The following MOK variants were observed in gnomAD, a reference collection of about 807,000 sequenced individuals.
The protein encoded by MOK is MAPK/MAK/MRK overlapping kinase.
A neutral mutation model predicts 54.2 loss-of-function variants in MOK; 59 were observed. The ratio of observed to expected loss-of-function variants is 1.09; its 90% CI spans 0.88 to 1.35. The LOEUF is 1.35. Among genes scored for constraint, MOK ranks in the 40% most tolerant of loss-of-function variants. The pLI, the probability that MOK is intolerant of heterozygous loss-of-function variation, is 0.00. For synonymous variants in MOK, 210 were observed against 202.7 expected, an observed-to-expected ratio of 1.04 and a Z score of -0.31; for missense variants, 517 against 526.2, an observed-to-expected ratio of 0.98 and a Z score of 0.17.
chr14:102,257,730 G>A (rs1304232442), intron 4 of MOK, among the ~76,000 whole-genome samples: 3 of 152,198 alleles, frequency 2.0e-5, no homozygotes, highest in Non-Finnish European at 4.4e-5. Context: ...TGTAATCCCA[G>A]CACTTTGGGA....
the MOK span, among the ~76,000 whole-genome samples, chr14:102,217,608 C>CAGAGA: frequency 2.2e-4 from 34 of 152,230 alleles, 1 homozygote; most frequent in Admixed American, 1.8e-3. Flanking sequence ...CGTCCCTGGG[C>CAGAGA]TGGGCCCAGG....
chr14:102,282,308 G>A (rs1016506456), intron 2 of MOK, among the ~76,000 whole-genome samples: 1 of 152,070 alleles, frequency 6.6e-6, no homozygotes, highest in African/African-American at 2.4e-5. Context: ...TGAGCGTGAT[G>A]GCTCAGGTTG....
chr14:102,273,774 C>G (rs1025454338), intron 2 of MOK, among the ~76,000 whole-genome samples: 8 of 152,094 alleles, frequency 5.3e-5, no homozygotes, highest in Middle Eastern at 3.4e-3. Flanking sequence ...GCAACAAGAG[C>G]AAAACTCCGT....
intron 10 of MOK, 137 bp from the exon 11 acceptor site, chr14:102,229,794 AC>A: frequency 1.3e-6 from 1 of 799,476 alleles, no homozygotes; most frequent in Non-Finnish European, 1.9e-6. Flanking sequence ...GGACACATCC[AC>A]CAGGTCCCAG....
chr14:102,243,528 A>G (rs1239770645), intron 7 of MOK, among the ~76,000 whole-genome samples: 2 of 152,060 alleles, frequency 1.3e-5, no homozygotes, highest in African/African-American at 2.4e-5. Flanking sequence ...ATCACAAACT[A>G]TGCTCAACTC....
intron 2 of MOK, among the ~76,000 whole-genome samples, chr14:102,275,391 C>T (rs956494129): frequency 4.6e-5 from 7 of 152,012 alleles, no homozygotes; most frequent in African/African-American, 1.7e-4. Flanking sequence ...GGTGAAACCC[C>T]GTCTCTATTA....
chr14:102,270,783 T>A (rs781496172), intron 2 of MOK, among the ~76,000 whole-genome samples: 1 of 152,136 alleles, frequency 6.6e-6, no homozygotes, highest in Non-Finnish European at 1.5e-5. Context: ...TTAGTTGTTA[T>A]CAAAAACCTC....
At chr14:102,300,627 G>C (rs2072085155) in intron 1 of MOK, among the ~76,000 whole-genome samples, 1 of 152,326 alleles carries the variant, frequency 6.6e-6, no homozygotes, top group East Asian at 1.9e-4. Flanking sequence ...GTCAGGATCT[G>C]ACTGATGTTT....
Position 102,231,955 on chromosome 14 carries a change from C to A in MOK, c.867-134G>T, listed in dbSNP as rs1311668922. 1.5e-6 allele frequency: 1 copy of A among 650,868 alleles called. No homozygotes were observed. 40.3% of individuals were successfully genotyped at this position (650,868 alleles called of 1,614,324 possible). ...TCTTCTTTTCTGCCTGAGCTGTAAT[C>A]AGGAGCCTTTTTTTTTCTTTTCTGT... On this transcript the variant is annotated intron_variant, in intron 9 of 11. Transcript: ENST00000361847. The surrounding 1 kb of genome is among the most constrained non-coding windows in gnomAD (Gnocchi z 4.4).
Position 102,238,068 on chromosome 14 carries a change from A to C in MOK, c.591-4279T>G, listed in dbSNP as rs1402506058. The C allele has an allele frequency of 6.6e-6, 1 of 152,194 alleles. No individual in the cohort carries two copies. Among genetic ancestry groups the C allele is most frequent in the Non-Finnish European group, 1.5e-5 (1 of 68,086 alleles). The allele number at this position is 152,194 out of a possible 1,614,324, so 9.4% of individuals were successfully genotyped here. A position where few individuals can be genotyped will look rare whatever the true frequency, so the allele number is the denominator to read the frequency against. On this transcript the variant is annotated intron_variant, in intron 7 of 11. Coordinates refer to ENST00000361847, the MANE Select transcript of MOK (RefSeq NM_014226.3). The surrounding 1 kb of genome is among the most constrained non-coding windows in gnomAD (Gnocchi z 4.8). Reference sequence around the variant, plus strand: ...CTACTCATTCTTGCACTGACGTCCTAGATCACCTGCAGCCACACTTTCCTA... The same window carrying C: ...CTACTCATTCTTGCACTGACGTCCTCGATCACCTGCAGCCACACTTTCCTA...
At chr14:102,260,828 C>T (rs1380506056) in intron 4 of MOK, among the ~76,000 whole-genome samples, 2 of 151,994 alleles carry the variant, frequency 1.3e-5, no homozygotes, top group Non-Finnish European at 2.9e-5. Flanking sequence ...CCTAAAAATA[C>T]ATATATTCTA....
chr14:102,285,654 G>T (rs1325986940), intron 1 of MOK, among the ~76,000 whole-genome samples: 3 of 152,168 alleles, frequency 2.0e-5, no homozygotes, highest in Non-Finnish European at 4.4e-5. Context: ...CACTTTGGGA[G>T]ACCCAGGTCG....
chr14:102,270,872 A>G (rs1460957265), intron 2 of MOK, among the ~76,000 whole-genome samples: 1 of 151,786 alleles, frequency 6.6e-6, no homozygotes, highest in Non-Finnish European at 1.5e-5. Context: ...AAACTCACTT[A>G]CAATAGCTGA....
At chr14:102,261,454 TA>T (rs1264803019) in intron 4 of MOK, among the ~76,000 whole-genome samples, 1 of 105,364 alleles carries the variant, frequency 9.5e-6, no homozygotes, top group East Asian at 3.0e-4. Flanking sequence ...TATATATATA[TA>T]TATTCTAAAC....
intron 2 of MOK, among the ~76,000 whole-genome samples, chr14:102,269,201 T>C (rs988352541): frequency 4.9e-4 from 74 of 152,200 alleles, no homozygotes; most frequent in Admixed American, 1.9e-3. Context: ...TTTTTTTTTT[T>C]TTTGAGACAA....
intron 1 of MOK, among the ~76,000 whole-genome samples, chr14:102,289,467 G>A (rs995276987): frequency 7.2e-5 from 11 of 151,748 alleles, no homozygotes; most frequent in East Asian, 1.9e-4. Context: ...TCCTGCTCTC[G>A]GGTTTTCCTA....
chr14:102,226,320 T>C (rs8022651), downstream of MOK: 161,598 of 702,922 alleles, frequency 0.23, 22,011 homozygotes, highest in African/African-American at 0.52. This position sits in a 1 kb window ranked among gnomAD's most constrained non-coding sequence, Gnocchi z 4.8. Context: ...CCGGGCAGCA[T>C]GCAGGTGCTC....
chr14:102,242,119 T>G (rs1283692291), intron 7 of MOK, among the ~76,000 whole-genome samples: 1 of 152,242 alleles, frequency 6.6e-6, no homozygotes, highest in Non-Finnish European at 1.5e-5. Context: ...GCTACCTGAT[T>G]GCCTCGGAAG....
At chr14:102,224,733 C>T (rs902486498), downstream of MOK, 5 of 455,896 alleles carry the variant, frequency 1.1e-5, no homozygotes, top group African/African-American at 6.0e-5. Flanking sequence ...CTCAGCCTGC[C>T]CCACTCGAAG....
Sources: allele counts gnomAD v4.1 joint callset (sites outside exome capture counted in the v4.1 genomes callset), GRCh38; gene constraint gnomAD v4.1.1; non-coding constraint Gnocchi (gnomAD v3.1); transcripts MANE v1.5; gene names NCBI Gene and HGNC (gene_info 2026-07-23, HGNC 2026-07-21).